TSC22D1: variants seen among roughly 807,000 people sequenced by gnomAD.
TSC22D1 encodes TSC22 domain family protein 1.
Under a neutral mutation model 74.2 loss-of-function variants are expected in TSC22D1, and 9 were observed. The ratio of observed to expected loss-of-function variants is 0.12; its 90% CI spans 0.07 to 0.21. The LOEUF is 0.21. Among genes scored for constraint, TSC22D1 ranks in the 10% least tolerant of loss-of-function variants. TSC22D1 has a pLI of 1.00. For missense variants in TSC22D1, 1,427 were observed against 1,304.7 expected, an observed-to-expected ratio of 1.09 and a Z score of -1.44; for synonymous variants, 586 against 492.5, an observed-to-expected ratio of 1.19 and a Z score of -2.51.
At chr13:44,536,467 T>C (rs9533898) in intron 1 of TSC22D1, among the ~76,000 whole-genome samples, 64 of 152,032 alleles carry the variant, frequency 4.2e-4, no homozygotes, top group Non-Finnish European at 7.8e-4. Flanking sequence ...TTCTCCATGC[T>C]GTCTTGATAA....
chr13:44,499,064 A>G (rs1879106307), intron 1 of TSC22D1, among the ~76,000 whole-genome samples: 2 of 152,180 alleles, frequency 1.3e-5, no homozygotes, highest in Non-Finnish European at 2.9e-5. Context: ...AATTTAACTA[A>G]CTGTTCTCTC....
rs544825814 is a variant in TSC22D1, at chr13:44,564,130, T to C, written c.2912+9033A>G. ...AACTTTATCTTTCTGTTTTTAAAAA[T>C]AGAAGTTCTCCTTGGTTTTTCTTAT... On this transcript the variant is annotated intron_variant, in intron 1 of 2. Transcript: ENST00000458659. 2.1e-4 allele frequency among the ~76,000 whole-genome samples: 32 copies of C among 152,326 alleles called. No individual in the cohort carries two copies. The East Asian group carries it at 2.9e-3, about 14-fold the overall frequency.
At chr13:44,453,563 C>T (rs1203894939) in intron 1 of TSC22D1, among the ~76,000 whole-genome samples, 1 of 152,074 alleles carries the variant, frequency 6.6e-6, no homozygotes, top group Non-Finnish European at 1.5e-5. Flanking sequence ...GACAACTTAC[C>T]CAAGGAGACA....
rs1053273763 is a variant in TSC22D1, at chr13:44,433,662, G to C, written c.*964C>G. ...AGGTGATATGCAGAAACCCCTACTG[G>C]GAAATCCATTTCATTAGTTAGAACT... On this transcript the variant is annotated 3_prime_UTR_variant, in exon 3 of 3. Transcript: ENST00000458659. 22 of 313,642 alleles carry C rather than the reference G, an allele frequency of 7.0e-5. No individual in the cohort carries two copies. The highest frequency in any genetic ancestry group is 3.8e-4 in the African/African-American group (17 of 45,216). The allele number at this position is 313,642 out of a possible 1,614,324, so 19.4% of individuals were successfully genotyped here.
intron 1 of TSC22D1, among the ~76,000 whole-genome samples, chr13:44,501,982 G>A (rs1252286835): frequency 6.6e-6 from 1 of 152,150 alleles, no homozygotes; most frequent in Non-Finnish European, 1.5e-5. Context: ...AACAAAAGGT[G>A]TATCAGTTTA....
chr13:44,484,635 T>A (rs1878341347), intron 1 of TSC22D1, among the ~76,000 whole-genome samples: 1 of 152,186 alleles, frequency 6.6e-6, no homozygotes, highest in Admixed American at 6.5e-5. Flanking sequence ...TAAACATATT[T>A]AACAATTTAT....
chr13:44,472,083 T>C (rs989874621), intron 1 of TSC22D1, among the ~76,000 whole-genome samples: 1 of 152,230 alleles, frequency 6.6e-6, no homozygotes, highest in Non-Finnish European at 1.5e-5. Flanking sequence ...CATATTGTTA[T>C]AATTGTTCTA....
chr13:44,559,059 T>C (rs1029730449), intron 1 of TSC22D1, among the ~76,000 whole-genome samples: 2 of 152,210 alleles, frequency 1.3e-5, no homozygotes, highest in African/African-American at 4.8e-5. Flanking sequence ...AAATAACACA[T>C]TGAAAATGAA....
At chr13:44,532,743 G>A (rs569475188) in intron 1 of TSC22D1, among the ~76,000 whole-genome samples, 1 of 152,294 alleles carries the variant, frequency 6.6e-6, no homozygotes, top group East Asian at 1.9e-4. Flanking sequence ...GAAGTGCTGG[G>A]ATTACAGGCG....
At chr13:44,469,167 G>T (rs757129378) in intron 1 of TSC22D1, among the ~76,000 whole-genome samples, 1 of 151,790 alleles carries the variant, frequency 6.6e-6, no homozygotes, top group African/African-American at 2.4e-5. Flanking sequence ...ATGATTACAG[G>T]GTACCTACAG....
At position 44,434,664 on chromosome 13, in the gene TSC22D1, C is replaced by A. The variant is rs773802387; in HGVS notation, c.3184G>T (p.Ala1062Ser). The change falls in exon 3 of 3, where the codon GCC (alanine) becomes TCC (serine). Residue 1062 changes from alanine (A) to serine (S), a missense_variant. Coordinates refer to ENST00000458659, the MANE Select transcript of TSC22D1 (RefSeq NM_183422.4). Reference protein sequence around the residue: ...TQPQGTTQPPAQPASQGSGPT... With the variant: ...TQPQGTTQPPSQPASQGSGPT... Reference sequence around the variant, plus strand: ...CCTGAGCCCTGCGATGCTGGCTGGGCGGGGGGCTGTGTGGTGCCCTGTGGC... The same window carrying A: ...CCTGAGCCCTGCGATGCTGGCTGGGAGGGGGGCTGTGTGGTGCCCTGTGGC... The A allele has an allele frequency of 1.1e-5, 18 of 1,593,854 alleles. No homozygotes were observed. The highest frequency in any genetic ancestry group is 1.5e-5 in the Non-Finnish European group (17 of 1,171,400).
intron 1 of TSC22D1, among the ~76,000 whole-genome samples, chr13:44,570,238 T>A (rs943635886): frequency 1.3e-5 from 2 of 151,098 alleles, no homozygotes; most frequent in African/African-American, 4.9e-5. Flanking sequence ...CCACCCAGGC[T>A]GGAGTGCAGT....
chr13:44,481,255 T>C (rs967884048), intron 1 of TSC22D1, among the ~76,000 whole-genome samples: 3 of 152,006 alleles, frequency 2.0e-5, no homozygotes, highest in Non-Finnish European at 4.4e-5. Context: ...TAGGAAGTCA[T>C]TGGTGACATC....
intron 1 of TSC22D1, among the ~76,000 whole-genome samples, chr13:44,479,110 T>TA (rs978828705): frequency 5.9e-5 from 9 of 152,156 alleles, no homozygotes; most frequent in African/African-American, 2.2e-4. Flanking sequence ...TGACTGATAC[T>TA]AAAAAACACC....
At position 44,573,860 on chromosome 13, in the gene TSC22D1, G is replaced by T; in HGVS notation, c.2215C>A (p.Pro739Thr). ...GTAGAGGGCTGCTGCACTGCAGTAG[G>T]TATGTTTGCTTGCTGACCAATATTT... ...IANIGQQANI[P>T]TAVQQPSTQV... The change falls in exon 1 of 3, where the codon CCT becomes ACT. Residue 739 changes from proline (P) to threonine (T), a missense_variant. Physicochemically the swap from Pro to Thr is conservative, Grantham distance 38. This residue lies in a region of TSC22D1 where 1,343 missense variants were observed against 1,191.5 expected (regional missense o/e 1.13). Transcript: ENST00000458659. The T allele has an allele frequency of 6.2e-7, 1 of 1,614,222 alleles. No homozygotes were observed. The highest frequency in any genetic ancestry group is 8.5e-7 in the Non-Finnish European group (1 of 1,180,050).
rs558131958 is a variant in TSC22D1 at position 44,557,189 on chromosome 13, G to A, written c.2912+15974C>T. Among the ~76,000 whole-genome samples the A allele has an allele frequency of 2.7e-5, 4 of 145,896 alleles. No individual in the cohort carries two copies. In the South Asian group the frequency reaches 6.6e-4, roughly 24 times the overall value. On this transcript the variant is annotated intron_variant, in intron 1 of 2. Coordinates refer to ENST00000458659, the MANE Select transcript of TSC22D1 (RefSeq NM_183422.4). The stretch of plus-strand genomic sequence containing the variant: ...ACAAAAAAAGAAAAAGTGGCCGGGC[G>A]CAGTGGCACACACCTGTAATCCCAG...
chr13:44,576,521 G>C (rs970271104), upstream of TSC22D1: 2 of 156,440 alleles, frequency 1.3e-5, no homozygotes, highest in South Asian at 2.0e-4. Flanking sequence ...CGCTCTGCAC[G>C]GAGGCAGCGC....
chr13:44,455,619 T>G (rs1595090615), intron 1 of TSC22D1, among the ~76,000 whole-genome samples: 1 of 152,214 alleles, frequency 6.6e-6, no homozygotes, highest in Non-Finnish European at 1.5e-5. Flanking sequence ...GGTCCTCCTG[T>G]AGAATCATCT....
At chr13:44,521,670 T>A (rs1295700122) in intron 1 of TSC22D1, among the ~76,000 whole-genome samples, 1 of 142,310 alleles carries the variant, frequency 7.0e-6, no homozygotes, top group Non-Finnish European at 1.5e-5. Flanking sequence ...TGAATAAAAG[T>A]GACAAAGAAT....
Sources: gnomAD v4.1 joint callset for allele counts (sites outside exome capture counted in the v4.1 genomes callset) on GRCh38, gnomAD v4.1.1 for gene constraint, gnomAD v4.1.1 regional missense constraint, MANE v1.5 for transcripts, NCBI Gene and HGNC (gene_info 2026-07-23, HGNC 2026-07-21) for gene names.